MCF2: variants seen among roughly 807,000 people sequenced by gnomAD.
MCF2 encodes MCF.2 cell line derived transforming sequence.
Under a neutral mutation model 82.5 loss-of-function variants are expected in MCF2, and 44 were observed. That is an observed-to-expected ratio of 0.53 (90% CI 0.42 to 0.69). The LOEUF (loss-of-function observed/expected upper bound fraction) is 0.69. Ranked by LOEUF, MCF2 falls within the 30% of genes least tolerant of loss-of-function variation. The pLI, the probability that MCF2 is intolerant of heterozygous loss-of-function variation, is 0.00. For synonymous variants in MCF2, 217 were observed against 224.9 expected, an observed-to-expected ratio of 0.96 and a Z score of 0.32; for missense variants, 623 against 663.1, an observed-to-expected ratio of 0.94 and a Z score of 0.66.
Position 139,588,396 on chromosome X carries a change from T to C in MCF2, c.2413A>G (p.Arg805Gly), listed in dbSNP as rs766887825. Residue 805 changes from arginine (R) to glycine (G), a missense_variant, in exon 21 of 25, where the codon AGA (arginine) becomes GGA (glycine). By Grantham distance (125) the Arg-to-Gly change is moderately radical. Coordinates refer to ENST00000370576, the Ensembl canonical transcript of MCF2. ...TCCTGCTGCTTCAACAAAATATTTC[T>C]TATTTCTTTTAGCCACGTCATCTTC... 1.9e-5 allele frequency: 23 copies of C among 1,205,063 alleles called. No individual in the cohort carries two copies. The highest frequency in any genetic ancestry group is 2.6e-5 in the Non-Finnish European group (23 of 892,254).
At chrX:139,645,694 T>C, upstream of MCF2, 1 of 831,779 alleles carries the variant, frequency 1.2e-6, no homozygotes, top group Non-Finnish European at 1.8e-6. Context: ...TTTTTCTTAA[T>C]AATAATGCAA....
At chrX:139,593,258 G>A (rs188324808) in intron 19 of MCF2, among the ~76,000 whole-genome samples, 8,825 of 110,415 alleles carry the variant, frequency 0.08, 360 homozygotes, top group South Asian at 0.2. Context: ...TTTTTATTGC[G>A]TCTATTTGAT....
chrX:139,669,797 A>C (rs770550860), intron 1 of MCF2, among the ~76,000 whole-genome samples: 3 of 112,151 alleles, frequency 2.7e-5, no homozygotes, highest in Non-Finnish European at 5.6e-5. Context: ...CCAGACACAA[A>C]AGACCAAATA....
At chrX:139,668,096 C>T (rs1934578445) in intron 1 of MCF2, among the ~76,000 whole-genome samples, 1 of 111,822 alleles carries the variant, frequency 8.9e-6, no homozygotes, top group African/African-American at 3.3e-5. Context: ...CCCTTTCTAG[C>T]ACCGGCAGCT....
chrX:139,700,690 C>T (rs1935475475), intron 1 of MCF2, among the ~76,000 whole-genome samples: 1 of 112,315 alleles, frequency 8.9e-6, no homozygotes, highest in African/African-American at 3.2e-5. Context: ...AAGAAAGACA[C>T]TTCCTTCCTT....
At chrX:139,617,535 T>C in exon 8 of MCF2, 2 of 1,185,748 alleles carry the variant, frequency 1.7e-6, no homozygotes, top group Non-Finnish European at 2.3e-6. Context: ...TTTATGCATT[T>C]TGAAGGTCCT....
intron 3 of MCF2, 42 bp from the exon 7 acceptor site, chrX:139,629,886 G>A: frequency 6.3e-6 from 7 of 1,117,595 alleles, no homozygotes; most frequent in Non-Finnish European, 8.5e-6. Flanking sequence ...TGGTCACTCT[G>A]TGAGCATATC....
chrX:139,623,822 GT>G (rs1932590534), intron 6 of MCF2, among the ~76,000 whole-genome samples: 1 of 112,280 alleles, frequency 8.9e-6, no homozygotes, highest in Non-Finnish European at 1.9e-5. Flanking sequence ...TCTTGCTTCA[GT>G]AGAATGCCTA....
At chrX:139,640,454 C>A (rs1933497172) in intron 1 of MCF2, among the ~76,000 whole-genome samples, 1 of 111,703 alleles carries the variant, frequency 9.0e-6, no homozygotes, top group South Asian at 3.7e-4. Context: ...TGTCAAGTGA[C>A]GTCAGGAGGA....
intron 6 of MCF2, among the ~76,000 whole-genome samples, chrX:139,625,699 T>C (rs112232520): frequency 0.02 from 2,260 of 111,983 alleles, 59 homozygotes; most frequent in African/African-American, 0.068. Context: ...GAAGGTCCAA[T>C]TGGAATGTAT....
At chrX:139,627,421 G>T (rs1268423100) in intron 4 of MCF2, among the ~76,000 whole-genome samples, 1 of 111,840 alleles carries the variant, frequency 8.9e-6, no homozygotes, top group East Asian at 2.8e-4. Flanking sequence ...TCACATTTAG[G>T]TTTAATTAAC....
chrX:139,617,860 A>AC (rs1569360731), intron 7 of MCF2, among the ~76,000 whole-genome samples, 156 bp from the exon 11 acceptor site: 2 of 109,882 alleles, frequency 1.8e-5, no homozygotes, highest in Non-Finnish European at 3.8e-5. Flanking sequence ...CAAAAAAAAA[A>AC]ACACAAACAA....
chrX:139,646,294 A>C (rs1258866911), upstream of MCF2, among the ~76,000 whole-genome samples: 1 of 111,311 alleles, frequency 9.0e-6, no homozygotes, highest in Non-Finnish European at 1.9e-5. Flanking sequence ...TGTCTTTAAC[A>C]CACATAAAAT....
intron 10 of MCF2, chrX:139,613,216 C>T (rs1187866334): frequency 2.4e-5 from 27 of 1,142,052 alleles, no homozygotes; most frequent in Non-Finnish European, 3.2e-5. Context: ...AGATGGGTAC[C>T]TTTTGAAAAA....
At chrX:139,598,303 C>G in intron 17 of MCF2, 103 bp downstream of exon 21, 3 of 518,515 alleles carry the variant, frequency 5.8e-6, no homozygotes, top group Non-Finnish European at 9.5e-6. Context: ...AGTCATTGAG[C>G]CTACCTATTT....
rs769694678 is a variant in MCF2, at chrX:139,651,707, A to G, written c.25+13T>C. 842 of 1,110,238 alleles carry G rather than the reference A, an allele frequency of 7.6e-4. No individual in the cohort carries two copies. The highest frequency in any genetic ancestry group is 9.4e-4 in the Non-Finnish European group (776 of 822,430). 91.5% of individuals were successfully genotyped at this position (1,110,238 alleles called of 1,213,427 possible). ...TATATCTATCTGGACTATATATAAG[A>G]AAGTTTGCTTACCAGACAAGAAGGC... On this transcript the variant is annotated intron_variant, in intron 2 of 27. Coordinates refer to the MCF2 transcript ENST00000414978.
chrX:139,609,960 T>C (rs1426770662), intron 11 of MCF2, among the ~76,000 whole-genome samples: 1 of 112,969 alleles, frequency 8.9e-6, no homozygotes, highest in African/African-American at 3.2e-5. Flanking sequence ...GAATTGCTCA[T>C]GAAAGAAAGT....
intron 1 of MCF2, among the ~76,000 whole-genome samples, chrX:139,676,108 T>C (rs1420779257): frequency 8.9e-6 from 1 of 112,839 alleles, no homozygotes; most frequent in Non-Finnish European, 1.9e-5. Flanking sequence ...CAAGGCTCTG[T>C]GGGCTTGGGA....
intron 2 of MCF2, 126 bp downstream of exon 2, chrX:139,651,594 G>A (rs1934016175): frequency 2.6e-6 from 1 of 380,134 alleles, no homozygotes; most frequent in Non-Finnish European, 4.7e-6. Flanking sequence ...TTGAAATAGT[G>A]CTTCTCAAAT....
Sources: gnomAD v4.1 joint callset for allele counts (sites outside exome capture counted in the v4.1 genomes callset) on GRCh38, gnomAD v4.1.1 for gene constraint, MANE v1.5 for transcripts, NCBI Gene and HGNC (gene_info 2026-07-23, HGNC 2026-07-21) for gene names.